FBXL7: variants seen among roughly 807,000 people sequenced by gnomAD.
FBXL7 encodes the protein F-box and leucine rich repeat protein 7.
In FBXL7, 12 loss-of-function variants were observed where a neutral mutation model predicts 38.3. The ratio of observed to expected loss-of-function variants is 0.31; its 90% CI spans 0.20 to 0.51. The LOEUF (loss-of-function observed/expected upper bound fraction) is 0.51. FBXL7 is among the 20% of genes least tolerant of loss of function. The pLI, the probability that FBXL7 is intolerant of heterozygous loss-of-function variation, is 0.98. For synonymous variants in FBXL7, 297 were observed against 300.9 expected, an observed-to-expected ratio of 0.99 and a Z score of 0.13; for missense variants, 567 against 676.4, an observed-to-expected ratio of 0.84 and a Z score of 1.79.
chr5:15,918,503 C>A (rs901497656), intron 2 of FBXL7, among the ~76,000 whole-genome samples: 2 of 152,202 alleles, frequency 1.3e-5, no homozygotes, highest in African/African-American at 2.4e-5. Flanking sequence ...GATTTTAGAA[C>A]AATGTGGCTT....
intron 2 of FBXL7, among the ~76,000 whole-genome samples, chr5:15,803,694 G>C (rs1030942892): frequency 6.6e-6 from 1 of 152,008 alleles, no homozygotes; most frequent in African/African-American, 2.4e-5. Flanking sequence ...TTCTCCAAAG[G>C]CTTGATTATT....
At chr5:15,870,062 A>G (rs1290535427) in intron 2 of FBXL7, among the ~76,000 whole-genome samples, 1 of 152,146 alleles carries the variant, frequency 6.6e-6, no homozygotes, top group Non-Finnish European at 1.5e-5. Context: ...GTGATCCGCG[A>G]TTGCACCACT....
rs539542487 is a variant in FBXL7, at chr5:15,727,648, CTCTTTG to C, written c.127+111588_127+111593del. Among the ~76,000 whole-genome samples, 15 of 152,190 alleles carry C rather than the reference CTCTTTG, an allele frequency of 9.9e-5. No homozygotes were observed. In the East Asian group the frequency reaches 1.4e-3, roughly 14 times the overall value. On this transcript the variant is annotated intron_variant, in intron 2 of 3. Coordinates refer to ENST00000504595, the MANE Select transcript of FBXL7 (RefSeq NM_012304.5). ...CTCTCTTGCTACTTTCAAGATTTTT[CTCTTTG>C]TCTTTGTCTTTCTAAAGTTTGATAA...
intron 2 of FBXL7, among the ~76,000 whole-genome samples, chr5:15,647,282 G>GAGGTAA (rs1741562965): frequency 6.6e-6 from 1 of 152,172 alleles, no homozygotes; most frequent in Non-Finnish European, 1.5e-5. Flanking sequence ...TTTCTAATGT[G>GAGGTAA]GTAAGTAAGA....
intron 1 of FBXL7, among the ~76,000 whole-genome samples, chr5:15,526,762 C>G (rs537620735): frequency 6.6e-6 from 1 of 152,240 alleles, no homozygotes; most frequent in South Asian, 2.1e-4. Flanking sequence ...ATCATTAAAC[C>G]TGGACTGAGA....
chr5:15,553,896 G>T (rs1738158521), intron 1 of FBXL7, among the ~76,000 whole-genome samples: 1 of 152,110 alleles, frequency 6.6e-6, no homozygotes, highest in African/African-American at 2.4e-5. Context: ...CTCTTCCTCA[G>T]TGGGTGGGAC....
At chr5:15,890,531 G>A (rs1361570029) in intron 2 of FBXL7, among the ~76,000 whole-genome samples, 2 of 152,116 alleles carry the variant, frequency 1.3e-5, no homozygotes, top group Non-Finnish European at 2.9e-5. Flanking sequence ...GTGAGTCACC[G>A]TGCCCGGCTG....
chr5:15,699,565 G>A (rs1325949382), intron 2 of FBXL7, among the ~76,000 whole-genome samples: 1 of 152,190 alleles, frequency 6.6e-6, no homozygotes, highest in East Asian at 1.9e-4. Context: ...ATTTCAAATG[G>A]GAGGTCACCT....
chr5:15,568,671 A>G (rs1266923108), intron 1 of FBXL7, among the ~76,000 whole-genome samples: 136 of 151,732 alleles, frequency 9.0e-4, no homozygotes, highest in Middle Eastern at 3.4e-3. Context: ...GCCCATGCCT[A>G]TGTCCTGAAT....
At chr5:15,658,575 G>C (rs1008016731) in intron 2 of FBXL7, among the ~76,000 whole-genome samples, 2 of 152,104 alleles carry the variant, frequency 1.3e-5, no homozygotes, top group Non-Finnish European at 2.9e-5. Flanking sequence ...ATTCAGCTGG[G>C]AGCATCGGGA....
At chr5:15,792,516 A>G (rs1442621258) in intron 2 of FBXL7, among the ~76,000 whole-genome samples, 2 of 152,186 alleles carry the variant, frequency 1.3e-5, no homozygotes, top group Non-Finnish European at 2.9e-5. Context: ...GAGGGAAGGC[A>G]GTATTTTCAT....
intron 2 of FBXL7, among the ~76,000 whole-genome samples, chr5:15,816,271 A>G (rs200665233): frequency 1.7e-3 from 49 of 29,248 alleles, no homozygotes; most frequent in South Asian, 2.4e-3. Context: ...ATATGTGTGT[A>G]TATATATATA....
Position 15,938,025 on chromosome 5 carries a change from G to GATTT in FBXL7, c.*839_*840insATTT, listed in dbSNP as rs1742248964. 6.6e-6 allele frequency: 1 copy of GATTT among 152,232 alleles called. No homozygotes were observed. The highest frequency in any genetic ancestry group is 1.5e-5 in the Non-Finnish European group (1 of 68,074). 9.4% of individuals were successfully genotyped at this position (152,232 alleles called of 1,614,324 possible). The stretch of plus-strand genomic sequence containing the variant: ...ATGTGATTTCAGGAGATTGTGCAGT[G>GATTT]CCAGCATCAGTGCATAAAGGGTCCT... On this transcript the variant is annotated 3_prime_UTR_variant, in exon 4 of 4. Transcript: ENST00000504595.
At chr5:15,555,053 C>A (rs1738189834) in intron 1 of FBXL7, among the ~76,000 whole-genome samples, 1 of 152,164 alleles carries the variant, frequency 6.6e-6, no homozygotes, top group Non-Finnish European at 1.5e-5. Context: ...CTCCTGTATT[C>A]TTGCTTGTGA....
chr5:15,585,778 A>AT lies in FBXL7; in HGVS notation c.38-30199dup, dbSNP rs1238060393. On this transcript the variant is annotated intron_variant, in intron 1 of 3. Coordinates refer to ENST00000504595, the MANE Select transcript of FBXL7 (RefSeq NM_012304.5). The stretch of plus-strand genomic sequence containing the variant: ...ATGTTAGAGTTGTATCATATTAAAT[A>AT]TTTTTTCAGACCCATTGGTATGCAT... Among the ~76,000 whole-genome samples, 3 of 152,146 alleles carry AT rather than the reference A, an allele frequency of 2.0e-5. No individual in the cohort carries two copies. In the East Asian group the frequency reaches 5.8e-4, roughly 29 times the overall value.
chr5:15,798,670 T>C (rs1467864270), intron 2 of FBXL7, among the ~76,000 whole-genome samples: 1 of 152,214 alleles, frequency 6.6e-6, no homozygotes, highest in Non-Finnish European at 1.5e-5. Flanking sequence ...TATATGAATA[T>C]GTTACCTATT....
At chr5:15,833,102 A>C (rs1738500695) in intron 2 of FBXL7, among the ~76,000 whole-genome samples, 1 of 152,132 alleles carries the variant, frequency 6.6e-6, no homozygotes, top group South Asian at 2.1e-4. Flanking sequence ...CTGTGAATTG[A>C]TTAAACCTCT....
rs1340288163 is a variant in FBXL7, at chr5:15,634,446, C to T, written c.127+18374C>T. Among the ~76,000 whole-genome samples, 8 of 151,484 alleles carry T rather than the reference C, an allele frequency of 5.3e-5. No homozygotes were observed. In the East Asian group the frequency reaches 7.8e-4, roughly 15 times the overall value. ...AAGCAATTCTCCTGCCTCAGCCTCC[C>T]GAGCAGCTGGGATTACAGGTGCCCA... On this transcript the variant is annotated intron_variant, in intron 2 of 3. Coordinates refer to ENST00000504595, the MANE Select transcript of FBXL7 (RefSeq NM_012304.5).
At chr5:15,667,843 T>C (rs1742336414) in intron 2 of FBXL7, among the ~76,000 whole-genome samples, 1 of 152,152 alleles carries the variant, frequency 6.6e-6, no homozygotes, top group Non-Finnish European at 1.5e-5. Flanking sequence ...GTTTGGGCCT[T>C]CATTTATTTT....
Sources: allele counts gnomAD v4.1 joint callset (sites outside exome capture counted in the v4.1 genomes callset), GRCh38; gene constraint gnomAD v4.1.1; transcripts MANE v1.5; gene names NCBI Gene and HGNC (gene_info 2026-07-23, HGNC 2026-07-21).